Variants in CFAP99 observed in about 807,000 individuals in gnomAD.
The protein encoded by CFAP99 is cilia and flagella associated protein 99, also known as cilia- and flagella-associated protein 99.
In CFAP99, 84 loss-of-function variants were observed where a neutral mutation model predicts 82.7. The observed-to-expected ratio is 1.02, with a 90% CI of 0.85 to 1.22. CFAP99 has a LOEUF of 1.22. CFAP99 is among the 50% of genes most tolerant of loss of function. The pLI is 0.00. For missense variants in CFAP99, 1,059 were observed against 983.5 expected, an observed-to-expected ratio of 1.08 and a Z score of -1.03; for synonymous variants, 456 against 429.5, an observed-to-expected ratio of 1.06 and a Z score of -0.76.
At chr4:2,458,319 T>A (rs1734483187) in intron 11 of CFAP99, among the ~76,000 whole-genome samples, 1 of 152,186 alleles carries the variant, frequency 6.6e-6, no homozygotes, top group African/African-American at 2.4e-5. Context: ...TTTTTAAATT[T>A]ACAGAAAAGC....
At position 2,460,034 on chromosome 4, in the gene CFAP99, C is replaced by T. The variant is rs1734579272; in HGVS notation, c.1456-3C>T. 1.3e-6 allele frequency: 2 copies of T among 1,535,740 alleles called. No homozygotes were observed. Among genetic ancestry groups the T allele is most frequent in the African/African-American group, 1.4e-5 (1 of 73,166 alleles). ...GCTTGGGGCCTCCCCTACCACCCCA[C>T]AGATCCCCGGCTACGGCCTGGAAGG... On this transcript the variant is annotated splice_polypyrimidine_tract_variant and splice_region_variant and intron_variant, in intron 13 of 14. Coordinates refer to ENST00000635017, the Ensembl canonical transcript of CFAP99.
In CFAP99 at chr4:2,459,037, G is replaced by T. The variant is rs557427371; in HGVS notation, c.1304-70G>T. 168 of 1,453,806 alleles carry T rather than the reference G, an allele frequency of 1.2e-4. 1 individual carries two copies. In the African/African-American group the frequency reaches 2.2e-3, roughly 19 times the overall value. 90.1% of individuals were successfully genotyped at this position (1,453,806 alleles called of 1,614,324 possible). A position where few individuals can be genotyped will look rare whatever the true frequency, so the allele number is the denominator to read the frequency against. ...GAGTCCTGGCTGGGGAACCCTGGGG[G>T]AGGTGCCTTCCTGTCCAGCCCCTGC... On this transcript the variant is annotated intron_variant, in intron 12 of 14. Coordinates refer to ENST00000635017, the Ensembl canonical transcript of CFAP99.
In CFAP99 at chr4:2,433,686, A is replaced by G. The variant is rs908675186; in HGVS notation, c.112-3188A>G. On this transcript the variant is annotated intron_variant, in intron 2 of 14. Coordinates refer to ENST00000635017, the Ensembl canonical transcript of CFAP99. ...CTCTCTGGCGAGCGCCCAGGTGGCCATCTAGCCAAGAAAGGGACAGTAAAC... is the reference window on the plus strand; with the variant it reads ...CTCTCTGGCGAGCGCCCAGGTGGCCGTCTAGCCAAGAAAGGGACAGTAAAC... Among the ~76,000 whole-genome samples the G allele has an allele frequency of 5.9e-5, 9 of 152,334 alleles. No individual in the cohort carries two copies. In the South Asian group the frequency reaches 8.3e-4, roughly 14 times the overall value.
intron 4 of CFAP99, among the ~76,000 whole-genome samples, chr4:2,438,987 G>A (rs1337044172): frequency 2.0e-5 from 3 of 152,150 alleles, no homozygotes; most frequent in Non-Finnish European, 2.9e-5. Flanking sequence ...TTGGCACCCC[G>A]AGGGGGAGCC....
intron 3 of CFAP99, 77 bp from the exon 4 acceptor site, chr4:2,437,993 G>A: frequency 1.2e-6 from 1 of 819,116 alleles, no homozygotes; most frequent in Non-Finnish European, 2.0e-6. Context: ...CACGGTGGAG[G>A]CCTTCGGCTC....
At chr4:2,439,697 G>A (rs1733991925) in intron 4 of CFAP99, among the ~76,000 whole-genome samples, 2 of 152,158 alleles carry the variant, frequency 1.3e-5, no homozygotes, top group Admixed American at 1.3e-4. Flanking sequence ...TAATGAAAAA[G>A]CAGCAAAACT....
At chr4:2,458,644 T>G (rs1217308490) in intron 11 of CFAP99, 79 bp from the exon 12 acceptor site, 5 of 1,466,424 alleles carry the variant, frequency 3.4e-6, no homozygotes, top group Non-Finnish European at 4.5e-6. Flanking sequence ...GACCTCATGC[T>G]GCGCCCTGGG....
rs935858940 is a variant in CFAP99, at chr4:2,462,601, C to G, written c.1820C>G (p.Pro607Arg). Residue 607 changes from proline (P) to arginine (R), a missense_variant, in exon 15 of 15, where the codon CCC becomes CGC. Physicochemically the swap from Pro to Arg is moderately radical, Grantham distance 103. Coordinates refer to ENST00000635017, the Ensembl canonical transcript of CFAP99. The surrounding 1 kb of genome is among the most constrained non-coding windows in gnomAD (Gnocchi z 4.1). Reference sequence around the variant, plus strand: ...GCGCCGCGGACCGCGCGCCCCAAGCCCCGGGTGAGTCCGGATTGGTGGGAG... The same window carrying G: ...GCGCCGCGGACCGCGCGCCCCAAGCGCCGGGTGAGTCCGGATTGGTGGGAG... The G allele has an allele frequency of 4.2e-6, 6 of 1,412,966 alleles. 1 individual carries two copies. The Admixed American group carries it at 1.7e-4, about 41-fold the overall frequency. 87.5% of individuals were successfully genotyped at this position (1,412,966 alleles called of 1,614,324 possible). A position where few individuals can be genotyped will look rare whatever the true frequency, so the allele number is the denominator to read the frequency against.
intron 6 of CFAP99, 145 bp from the exon 7 acceptor site, chr4:2,449,525 A>T (rs981836866): frequency 3.8e-6 from 2 of 526,642 alleles, no homozygotes; most frequent in African/African-American, 4.0e-5. Context: ...CGGTGGTGTT[A>T]GCTCCAGCCC....
At chr4:2,431,960 C>T (rs1378597185) in intron 2 of CFAP99, among the ~76,000 whole-genome samples, 1 of 152,144 alleles carries the variant, frequency 6.6e-6, no homozygotes, top group Admixed American at 6.5e-5. Flanking sequence ...CACTTTGAAC[C>T]ATCTGTTCGG....
At chr4:2,460,012 TG>T (rs1734577447) in intron 13 of CFAP99, 24 bp from the exon 14 acceptor site, 1 of 1,533,830 alleles carries the variant, frequency 6.5e-7, no homozygotes, top group African/African-American at 1.4e-5. Flanking sequence ...GCTCCCAGCT[TG>T]GGGCCTCCCC....
chr4:2,440,084 C>G (rs1307932296), intron 4 of CFAP99, among the ~76,000 whole-genome samples: 3 of 151,062 alleles, frequency 2.0e-5, no homozygotes, highest in Non-Finnish European at 4.4e-5. Flanking sequence ...TCAGGTGATC[C>G]GCCTGCCTCG....
intron 4 of CFAP99, among the ~76,000 whole-genome samples, chr4:2,440,382 G>A (rs1268786625): frequency 1.1e-4 from 16 of 142,500 alleles, no homozygotes; most frequent in African/African-American, 3.9e-4. Context: ...TCCTGACCTC[G>A]TGATCCGCCC....
intron 5 of CFAP99, among the ~76,000 whole-genome samples, chr4:2,443,476 T>C (rs948564480): frequency 6.6e-6 from 1 of 152,146 alleles, no homozygotes; most frequent in Non-Finnish European, 1.5e-5. Context: ...CAGCCTGGGC[T>C]CCCTCCATGC....
rs1734520906 is a variant in CFAP99 at position 2,459,322 on chromosome 4, G to T, written c.1455+64G>T. ...CCTCCACGCTGGCACTGCCATGAGA[G>T]GCAGTTTCCAGGGTTCCCACCAGAG... On this transcript the variant is annotated intron_variant, in intron 13 of 14. Coordinates refer to ENST00000635017, the Ensembl canonical transcript of CFAP99. 9 of 1,458,378 alleles carry T rather than the reference G, an allele frequency of 6.2e-6. No homozygotes were observed. In the Middle Eastern group the frequency reaches 5.4e-4, roughly 87 times the overall value. 90.3% of individuals were successfully genotyped at this position (1,458,378 alleles called of 1,614,324 possible).
intron 1 of CFAP99, among the ~76,000 whole-genome samples, chr4:2,420,196 A>C (rs1733539909): frequency 6.6e-6 from 1 of 151,658 alleles, no homozygotes; most frequent in Non-Finnish European, 1.5e-5. Flanking sequence ...GAGACCCTGG[A>C]CTCAGTCCTT....
intron 4 of CFAP99, among the ~76,000 whole-genome samples, chr4:2,442,913 G>A (rs1428255071): frequency 7.4e-6 from 1 of 135,150 alleles, no homozygotes; most frequent in Non-Finnish European, 1.6e-5. Flanking sequence ...TGGGGGCAGG[G>A]AGCTCACTGG....
rs1733955574 is a variant in CFAP99 at position 2,438,058 on chromosome 4, CCT to C, written c.257-11_257-10del. 9 of 1,508,228 alleles carry C rather than the reference CCT, an allele frequency of 6.0e-6. No individual in the cohort carries two copies. Among genetic ancestry groups the C allele is most frequent in the Middle Eastern group, 1.7e-4 (1 of 5,968 alleles). 93.4% of individuals were successfully genotyped at this position (1,508,228 alleles called of 1,614,324 possible). A position where few individuals can be genotyped will look rare whatever the true frequency, so the allele number is the denominator to read the frequency against. ...ACGTCCCTTAGCCTCTGACAGACCC[CCT>C]GTTTTCTAGTGATCTGCTACCTAGC... is the stretch of plus-strand genomic sequence containing the variant. On this transcript the variant is annotated splice_polypyrimidine_tract_variant and intron_variant, in intron 3 of 14. Coordinates refer to ENST00000635017, the Ensembl canonical transcript of CFAP99.
chr4:2,459,985 C>T (rs757227149), intron 13 of CFAP99, 52 bp from the exon 14 acceptor site: 5 of 1,496,474 alleles, frequency 3.3e-6, no homozygotes, highest in Non-Finnish European at 3.6e-6. Flanking sequence ...TGGTGGGAAG[C>T]ATCGGGGCCC....
Sources: allele counts gnomAD v4.1 joint callset (sites outside exome capture counted in the v4.1 genomes callset), GRCh38; gene constraint gnomAD v4.1.1; non-coding constraint Gnocchi (gnomAD v3.1); transcripts MANE v1.5; gene names NCBI Gene and HGNC (gene_info 2026-07-23, HGNC 2026-07-21).